Variants in BRDT observed in about 807,000 individuals in gnomAD.
BRDT encodes bromodomain testis-specific protein.
In BRDT, 77 loss-of-function variants were observed where a neutral mutation model predicts 113.9. The ratio of observed to expected loss-of-function variants is 0.68; its 90% CI spans 0.56 to 0.82. The LOEUF (loss-of-function observed/expected upper bound fraction) is 0.82. BRDT is among the 40% of genes least tolerant of loss of function. The probability of loss-of-function intolerance (pLI) is 0.00; values close to 1 mark genes in which losing one functional copy is unlikely to be tolerated. For synonymous variants in BRDT, 358 were observed against 366.5 expected, an observed-to-expected ratio of 0.98 and a Z score of 0.26; for missense variants, 1,027 against 1,105.4, an observed-to-expected ratio of 0.93 and a Z score of 1.01.
chr1:91,962,428 G>A (rs368175951), intron 1 of BRDT, among the ~76,000 whole-genome samples: 1 of 151,900 alleles, frequency 6.6e-6, no homozygotes, highest in Non-Finnish European at 1.5e-5. Context: ...CTGCCTCCCG[G>A]ATTTAAGGGA....
At chr1:91,965,845 C>CA (rs779461939) in intron 3 of BRDT, among the ~76,000 whole-genome samples, 10,271 of 145,916 alleles carry the variant, frequency 0.07, 422 homozygotes, top group African/African-American at 0.11. Context: ...GACACCTTCT[C>CA]AAAAAAAAAA....
chr1:92,013,811 G>C (rs947341392), intron 18 of BRDT, among the ~76,000 whole-genome samples: 1 of 152,138 alleles, frequency 6.6e-6, no homozygotes, highest in Non-Finnish European at 1.5e-5. Context: ...AAAGATATTG[G>C]TTCATTCAGA....
At chr1:92,013,667 G>C (rs1687994651) in intron 18 of BRDT, among the ~76,000 whole-genome samples, 2 of 152,122 alleles carry the variant, frequency 1.3e-5, no homozygotes, top group Non-Finnish European at 2.9e-5. Flanking sequence ...ATGGCATTTT[G>C]CTGAATGTTA....
intron 12 of BRDT, among the ~76,000 whole-genome samples, chr1:91,986,185 T>C (rs935277730): frequency 2.5e-4 from 38 of 152,228 alleles, no homozygotes; most frequent in Admixed American, 6.5e-5. Context: ...ATGTATCTTA[T>C]GTTGACTAGG....
chr1:92,007,858 T>C (rs77486335), intron 18 of BRDT, among the ~76,000 whole-genome samples: 10,154 of 152,248 alleles, frequency 0.067, 394 homozygotes, highest in African/African-American at 0.096. Flanking sequence ...GCAGTTACCA[T>C]TTCCTGTGCT....
At chr1:91,974,116 C>G (rs1038366045) in intron 4 of BRDT, among the ~76,000 whole-genome samples, 1 of 152,106 alleles carries the variant, frequency 6.6e-6, no homozygotes, top group East Asian at 1.9e-4. Flanking sequence ...CTTCCTTACA[C>G]CTTATACAAA....
At chr1:91,981,776 T>C (rs765176507) in intron 12 of BRDT, 21 bp downstream of exon 12, 10 of 1,592,570 alleles carry the variant, frequency 6.3e-6, no homozygotes. Flanking sequence ...CCCTTAAATG[T>C]ACCTCTGTTG....
At chr1:91,953,917 AT>A (rs985645593) in intron 1 of BRDT, among the ~76,000 whole-genome samples, 3 of 151,976 alleles carry the variant, frequency 2.0e-5, no homozygotes, top group African/African-American at 7.3e-5. Flanking sequence ...TCATCTGCTC[AT>A]GATACATTTT....
chr1:92,009,977 A>G (rs959678322), intron 18 of BRDT, among the ~76,000 whole-genome samples: 3 of 151,904 alleles, frequency 2.0e-5, no homozygotes, highest in African/African-American at 4.8e-5. Flanking sequence ...CATTGATTCC[A>G]TTGTTTCCAC....
intron 18 of BRDT, among the ~76,000 whole-genome samples, chr1:92,013,540 A>G (rs955524872): frequency 1.3e-5 from 2 of 152,216 alleles, no homozygotes; most frequent in Non-Finnish European, 2.9e-5. Flanking sequence ...ATGCTAAAGA[A>G]TATCTATAAG....
chr1:91,956,352 G>A (rs570859402), intron 1 of BRDT, among the ~76,000 whole-genome samples: 1 of 151,122 alleles, frequency 6.6e-6, no homozygotes, highest in East Asian at 2.0e-4. Flanking sequence ...GTATGTCATG[G>A]ATCTTAATGT....
chr1:92,004,665 G>A (rs760451842), intron 17 of BRDT, 46 bp downstream of exon 17: 1 of 1,477,900 alleles, frequency 6.8e-7, no homozygotes, highest in Non-Finnish European at 9.1e-7. Flanking sequence ...GATATAGAAT[G>A]TATTTTAAAT....
At chr1:92,010,055 CA>C (rs1687662744) in intron 18 of BRDT, among the ~76,000 whole-genome samples, 1 of 151,864 alleles carries the variant, frequency 6.6e-6, no homozygotes, top group Non-Finnish European at 1.5e-5. Flanking sequence ...TTGCCTTTAA[CA>C]TTTGTATTGA....
intron 3 of BRDT, among the ~76,000 whole-genome samples, chr1:91,967,048 GAC>G (rs1380073508): frequency 1.3e-5 from 2 of 152,122 alleles, no homozygotes; most frequent in Non-Finnish European, 2.9e-5. Context: ...CAGCCTGGGA[GAC>G]AGAGTGAGAC....
chr1:91,983,536 T>G (rs554810404), intron 12 of BRDT, among the ~76,000 whole-genome samples: 3 of 152,184 alleles, frequency 2.0e-5, no homozygotes, highest in African/African-American at 4.8e-5. Flanking sequence ...TGCCAGGCAT[T>G]AGCCACCACG....
chr1:91,950,459 C>T (rs1364199577), intron 1 of BRDT: 3 of 152,598 alleles, frequency 2.0e-5, no homozygotes, highest in Non-Finnish European at 2.9e-5. Context: ...CCCCGCTCCC[C>T]CCAAAAAAGA....
At chr1:91,959,053 AAGT>A (rs1319491027) in intron 1 of BRDT, among the ~76,000 whole-genome samples, 1 of 152,142 alleles carries the variant, frequency 6.6e-6, no homozygotes, top group East Asian at 1.9e-4. Context: ...ACTCAAAAAA[AAGT>A]AGAAAATGAA....
chr1:91,985,638 C>CTTTTT lies in BRDT; in HGVS notation c.2002+3898_2002+3902dup, dbSNP rs57330647. 3.1e-3 allele frequency among the ~76,000 whole-genome samples: 336 copies of CTTTTT among 108,566 alleles called. 13 individuals are homozygous for CTTTTT. The highest frequency in any genetic ancestry group is 3.6e-3 in the Non-Finnish European group (211 of 58,216). 71.2% of individuals were successfully genotyped at this position (108,566 alleles called of 152,430 possible). On this transcript the variant is annotated intron_variant, in intron 12 of 18. Transcript: ENST00000399546. ...AGAGACAGAGCTTTAATTAGTTTTG[C>CTTTTT]TTTTTTTTTTTTTTTTTTTGAGACG...
intron 4 of BRDT, among the ~76,000 whole-genome samples, chr1:91,969,507 G>A (rs1479179135): frequency 5.3e-5 from 8 of 152,074 alleles, no homozygotes; most frequent in African/African-American, 1.9e-4. Context: ...TTGATCTAAT[G>A]TCTGACAATG....
Sources: allele counts gnomAD v4.1 joint callset (sites outside exome capture counted in the v4.1 genomes callset), GRCh38; gene constraint gnomAD v4.1.1; transcripts MANE v1.5; gene names NCBI Gene and HGNC (gene_info 2026-07-23, HGNC 2026-07-21).